NIPAL3: variants seen among roughly 807,000 people sequenced by gnomAD.
NIPAL3 encodes NIPA like domain containing 3.
NIPAL3 carries 41 observed loss-of-function variants against 47.2 expected under a neutral mutation model. That is an observed-to-expected ratio of 0.87 (90% confidence interval 0.68 to 1.13). The LOEUF is 1.13. Ranked by LOEUF, NIPAL3 falls within the 50% of genes most tolerant of loss-of-function variation. The pLI is 0.00. For missense variants in NIPAL3, 449 were observed against 530.1 expected (o/e 0.85, Z 1.50); for synonymous variants, 194 against 209.6 (o/e 0.93, Z 0.64).
chr1:24,466,822 CA>C (rs1224242756), intron 11 of NIPAL3, among the ~76,000 whole-genome samples: 1 of 152,196 alleles, frequency 6.6e-6, no homozygotes, highest in Non-Finnish European at 1.5e-5. Context: ...TCAGCTCTTC[CA>C]CTTCCCTCTT....
intron 10 of NIPAL3, among the ~76,000 whole-genome samples, chr1:24,463,409 C>A (rs1248567075): frequency 6.6e-6 from 1 of 152,104 alleles, no homozygotes. Context: ...GGGGGATGGA[C>A]GTATTTTCTG....
intron 5 of NIPAL3, among the ~76,000 whole-genome samples, chr1:24,448,918 A>G (rs1645799831): frequency 5.3e-5 from 8 of 152,234 alleles, no homozygotes; most frequent in Admixed American, 2.0e-4. Flanking sequence ...GCCCCCCAGC[A>G]GTAGAATGGA....
intron 6 of NIPAL3, 120 bp from the exon 7 acceptor site, chr1:24,453,285 AATC>A: frequency 1.5e-6 from 1 of 661,014 alleles, no homozygotes; most frequent in Non-Finnish European, 2.7e-6. Context: ...GGAAATGCTG[AATC>A]ATAGCTCAGT....
At chr1:24,432,418 C>T (rs1006586492) in intron 2 of NIPAL3, among the ~76,000 whole-genome samples, 2 of 152,198 alleles carry the variant, frequency 1.3e-5, no homozygotes, top group African/African-American at 2.4e-5. Context: ...TGAGCCATCG[C>T]GCCCGGCCAG....
At chr1:24,453,779 A>ATGAGGAAGAATAAAGTAGAG (rs1646055865) in intron 7 of NIPAL3, among the ~76,000 whole-genome samples, 6 of 152,188 alleles carry the variant, frequency 3.9e-5, no homozygotes, top group Admixed American at 3.9e-4. Context: ...AACAATTCCA[A>ATGAGGAAGAATAAAGTAGAG]TGAGGAAGAA....
At chr1:24,417,222 G>T (rs1022336931) in intron 1 of NIPAL3, among the ~76,000 whole-genome samples, 1 of 152,054 alleles carries the variant, frequency 6.6e-6, no homozygotes, top group East Asian at 1.9e-4. Flanking sequence ...TAGTCAGTTG[G>T]TTGGTATGTA....
chr1:24,460,911 A>G (rs1421166819), intron 10 of NIPAL3, among the ~76,000 whole-genome samples: 1 of 152,200 alleles, frequency 6.6e-6, no homozygotes, highest in Non-Finnish European at 1.5e-5. Flanking sequence ...CCCGCCTACT[A>G]CCACACTGTT....
At chr1:24,458,747 C>T in intron 8 of NIPAL3, 141 bp from the exon 9 acceptor site, 1 of 652,662 alleles carries the variant, frequency 1.5e-6, no homozygotes, top group Non-Finnish European at 2.8e-6. Context: ...TGTCCTGTAA[C>T]ATGAGGGTGG....
At chr1:24,433,016 A>G (rs1230305023) in intron 2 of NIPAL3, 7 of 152,258 alleles carry the variant, frequency 4.6e-5, no homozygotes, top group Admixed American at 3.3e-4. Context: ...GCCCCATAGT[A>G]AAGAAATCTG....
At chr1:24,430,638 T>G (rs757151150) in intron 2 of NIPAL3, among the ~76,000 whole-genome samples, 6 of 152,208 alleles carry the variant, frequency 3.9e-5, no homozygotes, top group Non-Finnish European at 8.8e-5. Flanking sequence ...AACGATACAA[T>G]CAGAGCCACC....
At chr1:24,446,090 G>A (rs1285314581) in intron 5 of NIPAL3, among the ~76,000 whole-genome samples, 1 of 128,356 alleles carries the variant, frequency 7.8e-6, no homozygotes, top group Non-Finnish European at 1.5e-5. Flanking sequence ...GTGTGTGTGT[G>A]TGTGTGTGTG....
In NIPAL3 at chr1:24,453,408, C is replaced by A; in HGVS notation, c.541C>A (p.Leu181Met). The change falls in exon 7 of 12, where the codon CTG becomes ATG. Residue 181 changes from leucine (L) to methionine (M), a missense_variant and splice_region_variant. Coordinates refer to ENST00000374399, the MANE Select transcript of NIPAL3 (RefSeq NM_020448.5). ...LVSWPFLLYMLVEIILFCLLL... is the reference protein window; with the variant it reads ...LVSWPFLLYMMVEIILFCLLL... ...CCCCCCTGCTTGCTGCCTTCCACAG[C>A]TGGTGGAGATCATTCTGTTCTGCTT... 1 of 1,612,354 alleles carries A rather than the reference C, an allele frequency of 6.2e-7. No individual in the cohort carries two copies. Among genetic ancestry groups the A allele is most frequent in the Non-Finnish European group, 8.5e-7 (1 of 1,178,658 alleles).
Position 24,416,024 on chromosome 1 carries a change from G to T in NIPAL3, c.-258+120G>T, listed in dbSNP as rs1644007879. The stretch of plus-strand genomic sequence containing the variant: ...ATACCCTTCCTTCTTACTGTCACCA[G>T]CCTCGCCAACCTGGGTCCCGTTGCC... On this transcript the variant is annotated intron_variant, in intron 1 of 11. Coordinates refer to ENST00000374399, the MANE Select transcript of NIPAL3 (RefSeq NM_020448.5). The surrounding 1 kb of genome is among the most constrained non-coding windows in gnomAD (Gnocchi z 4.8). 1 of 985,400 alleles carries T rather than the reference G, an allele frequency of 1.0e-6. No individual in the cohort carries two copies. The highest frequency in any genetic ancestry group is 1.7e-5 in the African/African-American group (1 of 57,238). The allele number at this position is 985,400 out of a possible 1,614,324, so 61.0% of individuals were successfully genotyped here.
chr1:24,421,164 C>T (rs372256410), intron 2 of NIPAL3, among the ~76,000 whole-genome samples: 9 of 151,584 alleles, frequency 5.9e-5, no homozygotes, highest in Non-Finnish European at 1.3e-4. Flanking sequence ...ACCAAAAATA[C>T]AAAAAATTAG....
rs141551950 is a variant in NIPAL3, at chr1:24,425,005, A to G, written c.93+5365A>G. Among the ~76,000 whole-genome samples, 26 of 152,322 alleles carry G rather than the reference A, an allele frequency of 1.7e-4. No homozygotes were observed. In the East Asian group the frequency reaches 5.0e-3, roughly 29 times the overall value. Reference sequence around the variant, plus strand: ...TTCAGCCCTGCCCTCTGCCCTGCCCATCAGCGTATAAATTTTGGTTGCTGG... The same window carrying G: ...TTCAGCCCTGCCCTCTGCCCTGCCCGTCAGCGTATAAATTTTGGTTGCTGG... On this transcript the variant is annotated intron_variant, in intron 2 of 11. Transcript: ENST00000374399.
chr1:24,463,229 C>T (rs1206011010), intron 10 of NIPAL3, among the ~76,000 whole-genome samples: 2 of 152,078 alleles, frequency 1.3e-5, no homozygotes, highest in East Asian at 3.9e-4. Flanking sequence ...TGAATCTTAA[C>T]ATTTTATCAA....
At chr1:24,431,913 C>T (rs1294162582) in intron 2 of NIPAL3, among the ~76,000 whole-genome samples, 1 of 151,434 alleles carries the variant, frequency 6.6e-6, no homozygotes, top group Non-Finnish European at 1.5e-5. Flanking sequence ...TCTTCCTTGA[C>T]CACCCCACAA....
chr1:24,442,171 C>T lies in NIPAL3; in HGVS notation c.279C>T (p.Ser93=). Residue 93 remains serine, a synonymous_variant, in exon 4 of 12, where the codon TCC becomes TCT. Transcript: ENST00000374399. The part of the protein sequence containing the change: ...MLLGELGVFA[S]YAFAPLSLIV... ...TGGGCGAGCTGGGTGTGTTCGCCTCCTACGCCTTCGCGCCGCTGTCACTCA... is the reference window on the plus strand; with the variant it reads ...TGGGCGAGCTGGGTGTGTTCGCCTCTTACGCCTTCGCGCCGCTGTCACTCA... The T allele has an allele frequency of 6.2e-7, 1 of 1,614,186 alleles. No homozygotes were observed. Among genetic ancestry groups the T allele is most frequent in the Non-Finnish European group, 8.5e-7 (1 of 1,180,026 alleles).
chr1:24,430,235 CTT>C (rs5773087), intron 2 of NIPAL3, among the ~76,000 whole-genome samples: 3,257 of 143,112 alleles, frequency 0.023, 135 homozygotes, highest in African/African-American at 0.077. Flanking sequence ...TCACTAAATT[CTT>C]TTTTTTTTTT....
Sources: gnomAD v4.1 joint callset for allele counts (sites outside exome capture counted in the v4.1 genomes callset) on GRCh38, gnomAD v4.1.1 for gene constraint, Gnocchi (gnomAD v3.1) non-coding constraint, MANE v1.5 for transcripts, NCBI Gene and HGNC (gene_info 2026-07-23, HGNC 2026-07-21) for gene names.